Variants in NPFFR2 observed in about 807,000 individuals in gnomAD.
The protein encoded by NPFFR2 is neuropeptide FF receptor 2, also known as G-protein coupled receptor 74.
NPFFR2 carries 15 observed loss-of-function variants against 13.1 expected under a neutral mutation model. The observed-to-expected ratio is 1.15, with a 90% CI of 0.77 to 1.76. NPFFR2 has a LOEUF of 1.76. NPFFR2 is among the 40% of genes most tolerant of loss of function. The pLI is 0.00. For synonymous variants in NPFFR2, 190 were observed against 175.7 expected, an observed-to-expected ratio of 1.08 and a Z score of -0.65; for missense variants, 572 against 503.5, an observed-to-expected ratio of 1.14 and a Z score of -1.30.
intron 1 of NPFFR2, among the ~76,000 whole-genome samples, chr4:72,054,063 A>G (rs941541699): frequency 2.0e-5 from 3 of 152,002 alleles, no homozygotes; most frequent in African/African-American, 4.8e-5. Flanking sequence ...CAGTTGATCT[A>G]TAGACACTAT....
At chr4:72,068,821 A>ACTGCCTG in intron 1 of NPFFR2, 1 of 410,366 alleles carries the variant, frequency 2.4e-6, no homozygotes, top group South Asian at 5.9e-5. Context: ...CTAGAATATG[A>ACTGCCTG]ATGCCTGAGG....
At chr4:72,070,522 A>G (rs1720211633) in intron 1 of NPFFR2, among the ~76,000 whole-genome samples, 1 of 142,028 alleles carries the variant, frequency 7.0e-6, no homozygotes, top group Non-Finnish European at 1.5e-5. Flanking sequence ...GTTGCTGGGC[A>G]GATATCCTCA....
intron 1 of NPFFR2, among the ~76,000 whole-genome samples, chr4:72,040,534 T>C (rs1719179161): frequency 6.6e-6 from 1 of 152,158 alleles, no homozygotes; most frequent in Non-Finnish European, 1.5e-5. Context: ...ATATTTGCCA[T>C]AGATTATTTT....
intron 1 of NPFFR2, among the ~76,000 whole-genome samples, chr4:72,098,475 T>C (rs1721134465): frequency 6.6e-6 from 1 of 151,982 alleles, no homozygotes; most frequent in African/African-American, 2.4e-5. Flanking sequence ...TTTTTTGTCA[T>C]TTTTTTTCTT....
chr4:72,125,169 G>A (rs1220970476), intron 1 of NPFFR2, among the ~76,000 whole-genome samples: 2 of 151,954 alleles, frequency 1.3e-5, no homozygotes, highest in Non-Finnish European at 2.9e-5. Context: ...ACAAACATAT[G>A]GAAAAAAAGC....
At chr4:72,081,902 G>A (rs1720635059) in intron 1 of NPFFR2, among the ~76,000 whole-genome samples, 1 of 152,088 alleles carries the variant, frequency 6.6e-6, no homozygotes, top group Admixed American at 6.5e-5. Flanking sequence ...ACATTTTGTT[G>A]AACAGCTGTG....
chr4:72,138,064 G>T lies in NPFFR2; in HGVS notation c.353G>T (p.Cys118Phe). ...GGATGGCCATTTGGAAACACGATGTGCAAGATCAGTGGATTGGTCCAGGGA... is the reference window on the plus strand; with the variant it reads ...GGATGGCCATTTGGAAACACGATGTTCAAGATCAGTGGATTGGTCCAGGGA... ...IAGWPFGNTM[C>F]KISGLVQGIS... The change falls in exon 3 of 4, where the codon TGC (cysteine) becomes TTC (phenylalanine). Residue 118 changes from cysteine to phenylalanine, a missense_variant. Coordinates refer to ENST00000308744, the MANE Select transcript of NPFFR2 (RefSeq NM_004885.3). 6.2e-7 allele frequency: 1 copy of T among 1,613,522 alleles called. No homozygotes were observed. Among genetic ancestry groups the T allele is most frequent in the Non-Finnish European group, 8.5e-7 (1 of 1,179,628 alleles).
chr4:72,094,793 G>T (rs1721014053), intron 1 of NPFFR2, among the ~76,000 whole-genome samples: 1 of 152,186 alleles, frequency 6.6e-6, no homozygotes, highest in Non-Finnish European at 1.5e-5. Flanking sequence ...CACAGAGCCT[G>T]CAGCAACAAT....
At chr4:72,063,626 G>C (rs1719986273) in intron 1 of NPFFR2, among the ~76,000 whole-genome samples, 1 of 152,138 alleles carries the variant, frequency 6.6e-6, no homozygotes, top group African/African-American at 2.4e-5. Flanking sequence ...AAAAATAAAA[G>C]TTCTTTTCAG....
chr4:72,097,847 T>G (rs928670900), intron 1 of NPFFR2, among the ~76,000 whole-genome samples: 1 of 152,132 alleles, frequency 6.6e-6, no homozygotes, highest in Non-Finnish European at 1.5e-5. Context: ...TTGTTGGTTG[T>G]TGATGTAATT....
chr4:72,048,233 C>T (rs1431300756), intron 1 of NPFFR2, among the ~76,000 whole-genome samples: 1 of 152,042 alleles, frequency 6.6e-6, no homozygotes, highest in East Asian at 1.9e-4. Context: ...GTTTCTTCTT[C>T]CCAAGTTCTG....
intron 1 of NPFFR2, among the ~76,000 whole-genome samples, chr4:72,121,455 T>A (rs1721878804): frequency 6.6e-6 from 1 of 152,096 alleles, no homozygotes; most frequent in Non-Finnish European, 1.5e-5. Flanking sequence ...ATCATCAGAT[T>A]CACTGAGGTT....
chr4:72,147,094 T>C lies in NPFFR2; in HGVS notation c.545T>C (p.Leu182Ser). Reference sequence around the variant, plus strand: ...ATTATGTCTCCATCTGCAGTAATGTTACATGTGCAAGAAGAAAAATATTAC... The same window carrying C: ...ATTATGTCTCCATCTGCAGTAATGTCACATGTGCAAGAAGAAAAATATTAC... ...ITIMSPSAVM[L>S]HVQEEKYYRV... Residue 182 changes from leucine (L) to serine (S), a missense_variant, in exon 4 of 4, where the codon TTA becomes TCA. Transcript: ENST00000308744. 6.2e-7 allele frequency: 1 copy of C among 1,614,074 alleles called. No homozygotes were observed. Among genetic ancestry groups the C allele is most frequent in the East Asian group, 2.2e-5 (1 of 44,878 alleles).
chr4:72,034,510 G>C (rs1255266847), intron 1 of NPFFR2, among the ~76,000 whole-genome samples: 1 of 152,114 alleles, frequency 6.6e-6, no homozygotes, highest in Non-Finnish European at 1.5e-5. Flanking sequence ...CTCCCACCAA[G>C]TCCCTCCCAA....
chr4:72,146,667 G>A (rs1722790768), intron 3 of NPFFR2: 1 of 258,184 alleles, frequency 3.9e-6, no homozygotes, highest in African/African-American at 2.2e-5. Flanking sequence ...TTTAAGCAAG[G>A]AGGCTTAAAG....
intron 1 of NPFFR2, among the ~76,000 whole-genome samples, chr4:72,057,397 A>G (rs2109771273): frequency 6.6e-6 from 1 of 152,106 alleles, no homozygotes; most frequent in East Asian, 1.9e-4. Flanking sequence ...AGTTGCCTTG[A>G]AAGATCTCCG....
At chr4:72,130,065 G>A (rs1236850178) in intron 2 of NPFFR2, among the ~76,000 whole-genome samples, 1 of 148,774 alleles carries the variant, frequency 6.7e-6, no homozygotes, top group African/African-American at 2.5e-5. Context: ...TTGGGGGTAA[G>A]GTCATAGATT....
At chr4:72,061,029 C>G (rs1719906066) in intron 1 of NPFFR2, among the ~76,000 whole-genome samples, 1 of 152,044 alleles carries the variant, frequency 6.6e-6, no homozygotes, top group African/African-American at 2.4e-5. Flanking sequence ...TATATGCTCA[C>G]AAAAGCATTA....
intron 1 of NPFFR2, chr4:72,039,366 T>G (rs1719140250): frequency 2.0e-6 from 2 of 984,652 alleles, no homozygotes; most frequent in African/African-American, 1.7e-5. Context: ...CCAATTTCCT[T>G]TCTTAGTTGC....
Sources: allele counts gnomAD v4.1 joint callset (sites outside exome capture counted in the v4.1 genomes callset), GRCh38; gene constraint gnomAD v4.1.1; transcripts MANE v1.5; gene names NCBI Gene and HGNC (gene_info 2026-07-23, HGNC 2026-07-21).